The following GLIS3 variants were observed in gnomAD, a reference collection of about 807,000 sequenced individuals.
The protein encoded by GLIS3 is zinc finger protein GLIS3.
In GLIS3, 53 loss-of-function variants were observed where a neutral mutation model predicts 78.6. That is an observed-to-expected ratio of 0.67 (90% confidence interval 0.54 to 0.85). GLIS3 has a LOEUF of 0.85. GLIS3 is among the 40% of genes least tolerant of loss of function. The pLI is 0.00. For synonymous variants in GLIS3, 684 were observed against 509.9 expected, an observed-to-expected ratio of 1.34 and a Z score of -4.60; for missense variants, 1,703 against 1,231.1, an observed-to-expected ratio of 1.38 and a Z score of -5.74.
chr9:4,057,468 A>C (rs1826241601), intron 4 of GLIS3, among the ~76,000 whole-genome samples: 1 of 152,166 alleles, frequency 6.6e-6, no homozygotes, highest in African/African-American at 2.4e-5. Context: ...ACAATTTTTA[A>C]ATGGATAATC....
chr9:4,455,917 A>T, the GLIS3 span, among the ~76,000 whole-genome samples: 1 of 152,156 alleles, frequency 6.6e-6, no homozygotes. Flanking sequence ...GTTCAAGACC[A>T]GCCTGGCCTA....
chr9:4,138,004 T>G (rs1052103479), intron 2 of GLIS3, among the ~76,000 whole-genome samples: 1 of 152,222 alleles, frequency 6.6e-6, no homozygotes, highest in Non-Finnish European at 1.5e-5. Context: ...TAGTAATTTA[T>G]TGCTCACAGA....
intron 2 of GLIS3, among the ~76,000 whole-genome samples, chr9:4,140,286 G>A (rs1017582180): frequency 3.3e-5 from 5 of 152,016 alleles, no homozygotes; most frequent in African/African-American, 1.2e-4. Context: ...ATGGCACCAC[G>A]GCACTCCAGC....
intron 2 of GLIS3, among the ~76,000 whole-genome samples, chr9:4,339,667 G>A (rs187031508): frequency 6.8e-6 from 1 of 147,326 alleles, no homozygotes; most frequent in African/African-American, 2.5e-5. Context: ...TCCCAAGCAA[G>A]GGTGGAGATG....
chr9:4,220,649 T>C (rs1171975220), intron 2 of GLIS3, among the ~76,000 whole-genome samples: 2 of 151,858 alleles, frequency 1.3e-5, no homozygotes, highest in East Asian at 3.8e-4. Flanking sequence ...TCCCAGCGAC[T>C]CAGGAGGCTG....
intron 2 of GLIS3, among the ~76,000 whole-genome samples, chr9:4,258,325 A>G (rs1004803687): frequency 9.0e-6 from 1 of 110,748 alleles, no homozygotes; most frequent in Non-Finnish European, 2.1e-5. Flanking sequence ...TTACAGTAAC[A>G]TATATATACC....
intron 2 of GLIS3, among the ~76,000 whole-genome samples, chr9:4,279,324 TACACAC>T (rs141790371): frequency 0.17 from 14,486 of 84,946 alleles, 1,477 homozygotes; most frequent in East Asian, 0.42. Context: ...AATATATATA[TACACAC>T]ACACACACAC....
chr9:3,987,761 CAAAAAAA>C (rs60986898), intron 4 of GLIS3, among the ~76,000 whole-genome samples: 1 of 10,474 alleles, frequency 9.5e-5, no homozygotes, highest in Non-Finnish European at 1.7e-4. Context: ...CTGGATTTGG[CAAAAAAA>C]AAAAAAAAAA....
chr9:3,961,752 A>G (rs979487643), intron 4 of GLIS3, among the ~76,000 whole-genome samples: 35 of 152,220 alleles, frequency 2.3e-4, no homozygotes, highest in African/African-American at 8.0e-4. Flanking sequence ...TTAATTTCAA[A>G]AAGTTGAGGG....
chr9:4,323,987 T>G (rs1396955566), intron 2 of GLIS3, among the ~76,000 whole-genome samples: 1 of 152,236 alleles, frequency 6.6e-6, no homozygotes, highest in Non-Finnish European at 1.5e-5. Flanking sequence ...GTTTCAAAAA[T>G]TTTGATATTA....
chr9:4,118,288 T>G lies in GLIS3; in HGVS notation c.1190A>C (p.Gln397Pro). 6.3e-7 allele frequency: 1 copy of G among 1,583,754 alleles called. No individual in the cohort carries two copies. The highest frequency in any genetic ancestry group is 8.6e-7 in the Non-Finnish European group (1 of 1,166,304). The change falls in exon 4 of 11, where the codon CAG becomes CCG. Residue 397 changes from glutamine (Q) to proline (P), a missense_variant. Physicochemically the swap from Gln to Pro is moderately conservative, Grantham distance 76 (BLOSUM62 -1). Transcript: ENST00000381971. This position sits in a 1 kb window ranked among gnomAD's most constrained non-coding sequence, Gnocchi z 4.7. ...DGALEHERMQ[Q>P]LEHGGLQPGL... The stretch of plus-strand genomic sequence containing the variant: ...TGGCTGCAGGCCGCCGTGCTCCAGC[T>G]GTTGCATGCGCTCGTGCTCCAGGGC...
chr9:3,926,525 C>T (rs750578400), intron 6 of GLIS3, among the ~76,000 whole-genome samples: 16 of 149,912 alleles, frequency 1.1e-4, no homozygotes, highest in Non-Finnish European at 1.8e-4. Flanking sequence ...CCACCGCACG[C>T]GGCCTGCAAT....
At chr9:3,907,600 C>CA (rs1563836806) in intron 6 of GLIS3, among the ~76,000 whole-genome samples, 2,312 of 120,250 alleles carry the variant, frequency 0.019, 38 homozygotes, top group East Asian at 0.039. Context: ...ATCCTCCACC[C>CA]CCCAAACACA....
chr9:4,264,485 G>T (rs946672700), intron 2 of GLIS3, among the ~76,000 whole-genome samples: 2 of 152,066 alleles, frequency 1.3e-5, no homozygotes, highest in African/African-American at 4.8e-5. Context: ...AAAACCCTTG[G>T]AAGAGTTCCT....
the GLIS3 span, among the ~76,000 whole-genome samples, chr9:4,378,412 TTTTG>T: frequency 1.3e-5 from 2 of 152,214 alleles, no homozygotes; most frequent in Admixed American, 6.5e-5. Flanking sequence ...TAAAACATGT[TTTTG>T]TTTGTTTATA....
the GLIS3 span, among the ~76,000 whole-genome samples, chr9:4,477,024 T>C: frequency 1.3e-5 from 2 of 152,102 alleles, no homozygotes; most frequent in Admixed American, 6.5e-5. Flanking sequence ...AAAAATTAAA[T>C]ATAGAATTAC....
At chr9:4,315,837 A>G (rs4307397) in intron 2 of GLIS3, among the ~76,000 whole-genome samples, 69,628 of 151,788 alleles carry the variant, frequency 0.46, 17,834 homozygotes, top group African/African-American at 0.71. Flanking sequence ...CTAGCTCAGC[A>G]GTACCAGGAC....
intron 1 of GLIS3, among the ~76,000 whole-genome samples, chr9:4,295,262 G>A (rs529384545): frequency 5.3e-5 from 8 of 151,838 alleles, no homozygotes; most frequent in African/African-American, 1.7e-4. Context: ...TGGAAGGAAC[G>A]CCTCTGAATT....
At chr9:3,938,541 T>A (rs1826024915) in intron 4 of GLIS3, among the ~76,000 whole-genome samples, 2 of 152,214 alleles carry the variant, frequency 1.3e-5, no homozygotes, top group East Asian at 1.9e-4. Flanking sequence ...TAAAAAAAAA[T>A]AATTAAACAT....
Sources: allele counts gnomAD v4.1 joint callset (sites outside exome capture counted in the v4.1 genomes callset), GRCh38; gene constraint gnomAD v4.1.1; non-coding constraint Gnocchi (gnomAD v3.1); transcripts MANE v1.5; gene names NCBI Gene and HGNC (gene_info 2026-07-23, HGNC 2026-07-21).